The following TNR variants were observed in gnomAD, a reference collection of about 807,000 sequenced individuals.
TNR encodes tenascin R, also known as tenascin-R.
In TNR, 45 loss-of-function variants were observed where a neutral mutation model predicts 150.4. That is an observed-to-expected ratio of 0.30 (90% CI 0.24 to 0.38). The LOEUF is 0.38. Among genes scored for constraint, TNR ranks in the 10% least tolerant of loss-of-function variants. The pLI is 1.00. For synonymous variants in TNR, 687 were observed against 678.4 expected (o/e 1.01, Z -0.20); for missense variants, 1,544 against 1,759.1 (o/e 0.88, Z 2.19).
chr1:175,394,086 C>T (rs1653307334), intron 5 of TNR, among the ~76,000 whole-genome samples, 191 bp from the exon 6 acceptor site: 1 of 152,146 alleles, frequency 6.6e-6, no homozygotes, highest in Non-Finnish European at 1.5e-5. Flanking sequence ...CTCTAGTGCT[C>T]GATGTTGATG....
chr1:175,458,913 T>TACC (rs1253063486), intron 2 of TNR, among the ~76,000 whole-genome samples: 2 of 150,728 alleles, frequency 1.3e-5, no homozygotes, highest in Admixed American at 6.6e-5. Flanking sequence ...TCATCGCTTC[T>TACC]ACCACCACCA....
At chr1:175,362,585 C>A in intron 14 of TNR, 78 bp downstream of exon 14, 2 of 1,557,842 alleles carry the variant, frequency 1.3e-6, no homozygotes, top group Non-Finnish European at 1.7e-6. Flanking sequence ...GCCTCCAGAA[C>A]CTTTCTACAA....
At chr1:175,564,181 C>T (rs1308016656) in intron 1 of TNR, among the ~76,000 whole-genome samples, 2 of 152,232 alleles carry the variant, frequency 1.3e-5, no homozygotes. Flanking sequence ...CTTCAAGGCA[C>T]TTGGCAGCTT....
At chr1:175,633,516 T>C (rs1664398278) in intron 1 of TNR, among the ~76,000 whole-genome samples, 1 of 152,200 alleles carries the variant, frequency 6.6e-6, no homozygotes, top group Admixed American at 6.5e-5. Context: ...GTGCTAAAAT[T>C]AAAATAGAAA....
rs182231766 is a variant in TNR at position 175,550,600 on chromosome 1, C to T, written c.-164-22231G>A. Among the ~76,000 whole-genome samples the T allele has an allele frequency of 4.7e-4, 71 of 152,064 alleles. 1 individual carries two copies. Among genetic ancestry groups the T allele is most frequent in the Admixed American group, 1.4e-3 (21 of 15,260 alleles). Reference sequence around the variant, plus strand: ...ATAATGCTTCTCCCTACCCTACTTCCACTCCATGTGTGCACATGTATACAC... The same window carrying T: ...ATAATGCTTCTCCCTACCCTACTTCTACTCCATGTGTGCACATGTATACAC... On this transcript the variant is annotated intron_variant, in intron 1 of 22. Coordinates refer to ENST00000367674, the MANE Select transcript of TNR (RefSeq NM_003285.3).
chr1:175,358,513 A>C (rs1239679510), intron 15 of TNR, among the ~76,000 whole-genome samples: 24 of 152,212 alleles, frequency 1.6e-4, no homozygotes, highest in Non-Finnish European at 4.4e-5. Context: ...TTTGACAATA[A>C]GTTTACTTCT....
At chr1:175,585,322 C>A (rs1662523755) in intron 1 of TNR, among the ~76,000 whole-genome samples, 1 of 152,206 alleles carries the variant, frequency 6.6e-6, no homozygotes, top group Non-Finnish European at 1.5e-5. Context: ...TATGAACTAT[C>A]ATTTGCTGCA....
At chr1:175,507,082 G>A (rs751502179) in intron 2 of TNR, among the ~76,000 whole-genome samples, 13 of 152,192 alleles carry the variant, frequency 8.5e-5, no homozygotes, top group Admixed American at 4.6e-4. Flanking sequence ...ATTTGGGTTC[G>A]CTGCTCAGTG....
intron 1 of TNR, among the ~76,000 whole-genome samples, chr1:175,537,275 G>C (rs1660329656): frequency 6.6e-6 from 1 of 152,186 alleles, no homozygotes; most frequent in Non-Finnish European, 1.5e-5. Context: ...AAATGAAAGA[G>C]AAAGCTTCAG....
rs185082929 is a variant in TNR at position 175,422,631 on chromosome 1, T to C, written c.-63-15854A>G. On this transcript the variant is annotated intron_variant, in intron 2 of 22. Transcript: ENST00000367674. ...CTGCCTACCCACTTTGCAGCCTCTC[T>C]CACTGATAGCTCCAGGATTGTAGGT... Among the ~76,000 whole-genome samples the C allele has an allele frequency of 3.7e-3, 560 of 152,350 alleles. 4 individuals carry two copies. The highest frequency in any genetic ancestry group is 6.9e-3 in the Admixed American group (105 of 15,298).
At position 175,318,141 on chromosome 1, in the gene TNR, T is replaced by C. The variant is rs1048173498; in HGVS notation, c.*5216A>G. 6.6e-6 allele frequency: 1 copy of C among 152,268 alleles called. No individual in the cohort carries two copies. Among genetic ancestry groups the C allele is most frequent in the Non-Finnish European group, 1.5e-5 (1 of 68,076 alleles). The allele number at this position is 152,268 out of a possible 1,614,324, so 9.4% of individuals were successfully genotyped here. On this transcript the variant is annotated 3_prime_UTR_variant, in exon 23 of 23. Transcript: ENST00000367674. Reference sequence around the variant, plus strand: ...TGGTTTTCGGTGCAGTGACAGGCCTTGGTGCCTTAGTTTCTCCTCAAGTTA... The same window carrying C: ...TGGTTTTCGGTGCAGTGACAGGCCTCGGTGCCTTAGTTTCTCCTCAAGTTA...
At chr1:175,392,896 A>T (rs1039600852) in intron 6 of TNR, among the ~76,000 whole-genome samples, 1 of 152,220 alleles carries the variant, frequency 6.6e-6, no homozygotes, top group Non-Finnish European at 1.5e-5. Flanking sequence ...TTGTAACTCC[A>T]ACAGTTCACA....
At chr1:175,351,417 T>C (rs1651045319) in intron 18 of TNR, among the ~76,000 whole-genome samples, 1 of 152,214 alleles carries the variant, frequency 6.6e-6, no homozygotes, top group South Asian at 2.1e-4. Context: ...TGACAGAGCC[T>C]GAAATTAGAG....
chr1:175,611,671 C>A (rs181631273), intron 1 of TNR, among the ~76,000 whole-genome samples: 19 of 152,194 alleles, frequency 1.2e-4, no homozygotes, highest in African/African-American at 3.9e-4. Context: ...CTTTCTTTTC[C>A]CTCATGTTGA....
At chr1:175,650,725 T>C (rs920358113) in intron 1 of TNR, among the ~76,000 whole-genome samples, 2 of 32,954 alleles carry the variant, frequency 6.1e-5, no homozygotes, top group Non-Finnish European at 5.9e-5. Context: ...CCCCTACCCC[T>C]CCCCGCCTCA....
At chr1:175,546,419 T>C (rs1660690509) in intron 1 of TNR, among the ~76,000 whole-genome samples, 1 of 152,168 alleles carries the variant, frequency 6.6e-6, no homozygotes, top group Non-Finnish European at 1.5e-5. Flanking sequence ...AGAAGCAGAA[T>C]TGCCGGCCAT....
intron 11 of TNR, 74 bp from the exon 12 acceptor site, chr1:175,365,353 C>T (rs952937040): frequency 3.4e-6 from 5 of 1,483,592 alleles, no homozygotes; most frequent in Non-Finnish European, 4.5e-6. Context: ...AACTTCTTGG[C>T]TAAAGGGACC....
rs530898826 is a variant in TNR at position 175,520,878 on chromosome 1, T to G, written c.-64+7391A>C. ...TCTCCTCTTCTCTGCTTTTTCCTCCTTCTGTGGTCCTTAGACAGAAATTCT... is the reference window on the plus strand; with the variant it reads ...TCTCCTCTTCTCTGCTTTTTCCTCCGTCTGTGGTCCTTAGACAGAAATTCT... On this transcript the variant is annotated intron_variant, in intron 2 of 22. Transcript: ENST00000367674. Among the ~76,000 whole-genome samples the G allele has an allele frequency of 2.6e-5, 4 of 152,308 alleles. No homozygotes were observed. The East Asian group carries it at 7.7e-4, about 29-fold the overall frequency.
chr1:175,668,206 T>C (rs1312333858), intron 1 of TNR, among the ~76,000 whole-genome samples: 1 of 152,160 alleles, frequency 6.6e-6, no homozygotes, highest in Non-Finnish European at 1.5e-5. Context: ...CCAAGAAATT[T>C]GCTTGAGGGA....
Sources: gnomAD v4.1 joint callset for allele counts (sites outside exome capture counted in the v4.1 genomes callset) on GRCh38, gnomAD v4.1.1 for gene constraint, MANE v1.5 for transcripts, NCBI Gene and HGNC (gene_info 2026-07-23, HGNC 2026-07-21) for gene names.